SCUBE2: variants seen among roughly 807,000 people sequenced by gnomAD.
The protein encoded by SCUBE2 is signal peptide, CUB domain and EGF like domain containing 2.
A neutral mutation model predicts 125.9 loss-of-function variants in SCUBE2; 114 were observed. That is an observed-to-expected ratio of 0.91 (90% CI 0.78 to 1.06). SCUBE2 has a LOEUF of 1.06. Ranked by LOEUF, SCUBE2 falls within the 50% of genes least tolerant of loss-of-function variation. The pLI is 0.00. For missense variants in SCUBE2, 1,255 were observed against 1,301.8 expected (o/e 0.96, Z 0.55); for synonymous variants, 459 against 492.9 (o/e 0.93, Z 0.91).
chr11:9,047,368 C>T lies in SCUBE2; in HGVS notation c.1990G>A (p.Glu664Lys), dbSNP rs143249184. 3,660 of 1,614,184 alleles carry T rather than the reference C, an allele frequency of 2.3e-3. 13 individuals are homozygous for T. The highest frequency in any genetic ancestry group is 3.6e-3 in the Middle Eastern group (22 of 6,062). ...CCAGGCCACTCACCACATTGGTTTT[C>T]TGCATGACCCTGGCCCACTCCACAG... Reference protein sequence around the residue: ...ESCGVGQGHAENQCVSCRAGT... With the variant: ...ESCGVGQGHAKNQCVSCRAGT... The change falls in exon 16 of 23, where the codon GAA becomes AAA. Residue 664 changes from glutamate to lysine, a missense_variant. Physicochemically the swap from Glu to Lys is moderately conservative, Grantham distance 56 (BLOSUM62 1). This residue lies in a region of SCUBE2 where 515 missense variants were observed against 515.7 expected (regional missense o/e 1.00). Transcript: ENST00000649792.
intron 9 of SCUBE2, among the ~76,000 whole-genome samples, chr11:9,057,071 T>C (rs1859164405): frequency 6.6e-6 from 1 of 152,270 alleles, no homozygotes; most frequent in African/African-American, 2.4e-5. Context: ...AAAACCTAGT[T>C]TCTTCCCTAG....
Position 9,053,643 on chromosome 11 carries a change from A to C in SCUBE2, c.1324T>G (p.Cys442Gly). 2 of 1,614,010 alleles carry C rather than the reference A, an allele frequency of 1.2e-6. No homozygotes were observed. Among genetic ancestry groups the C allele is most frequent in the Non-Finnish European group, 1.7e-6 (2 of 1,179,938 alleles). Reference protein sequence around the residue: ...GYKLHWNKKDCVEVKGLLPTS... With the variant: ...GYKLHWNKKDGVEVKGLLPTS... ...GTGCCTCGGTTCCCCTTACCCACACAGTCTTTTTTATTCCAGTGGAGCTTG... is the reference window on the plus strand; with the variant it reads ...GTGCCTCGGTTCCCCTTACCCACACCGTCTTTTTTATTCCAGTGGAGCTTG... The change falls in exon 11 of 23, where the codon TGT becomes GGT. Residue 442 changes from cysteine (C) to glycine (G), a missense_variant. Cys to Gly is a radical substitution (Grantham distance 159). This residue lies in a region of SCUBE2 where 378 missense variants were observed against 463.1 expected (regional missense o/e 0.82). Coordinates refer to ENST00000649792, the MANE Select transcript of SCUBE2 (RefSeq NM_001367977.2).
intron 20 of SCUBE2, 192 bp downstream of exon 20, chr11:9,027,172 G>A (rs1210894168): frequency 1.7e-6 from 1 of 605,270 alleles, no homozygotes; most frequent in African/African-American, 1.9e-5. Context: ...CTACCTCTGG[G>A]GCCCAGCAAG....
In SCUBE2 at chr11:9,053,116, C is replaced by A. The variant is rs758108555; in HGVS notation, c.1430G>T (p.Gly477Val). Residue 477 changes from glycine to valine, a missense_variant, in exon 12 of 23, where the codon GGC becomes GTC. This residue lies in a region of SCUBE2 where 378 missense variants were observed against 463.1 expected (regional missense o/e 0.82). Coordinates refer to ENST00000649792, the MANE Select transcript of SCUBE2 (RefSeq NM_001367977.2). Reference protein sequence around the residue: ...GDGCFLRCHSGIHLSSGLQGA... With the variant: ...GDGCFLRCHSVIHLSSGLQGA... ...CCACTCACCTGAAGAGAGGTGAATG[C>A]CAGAGTGACATCTGAGGAAGCACCC... 6.2e-7 allele frequency: 1 copy of A among 1,614,068 alleles called. No homozygotes were observed. The highest frequency in any genetic ancestry group is 8.5e-7 in the Non-Finnish European group (1 of 1,179,946).
chr11:9,089,613 G>A (rs1159160172), intron 2 of SCUBE2, 94 bp downstream of exon 2: 3 of 1,379,896 alleles, frequency 2.2e-6, no homozygotes, highest in Non-Finnish European at 2.0e-6. Flanking sequence ...GGGAGAGGAG[G>A]GGCAGTACTT....
rs1433266320 is a variant in SCUBE2 at position 9,019,932 on chromosome 11, C to T, written c.*1113G>A. ...AAGTTCAAGAAATGATCGTGAGGCC[C>T]TGCTGGCCTGACCCAAAGTGAGATG... On this transcript the variant is annotated 3_prime_UTR_variant, in exon 23 of 23. Transcript: ENST00000649792. 6.6e-6 allele frequency among the ~76,000 whole-genome samples: 1 copy of T among 152,200 alleles called. No homozygotes were observed. Among genetic ancestry groups the T allele is most frequent in the Non-Finnish European group, 1.5e-5 (1 of 68,042 alleles).
intron 2 of SCUBE2, among the ~76,000 whole-genome samples, chr11:9,088,893 C>A (rs1239163208): frequency 6.6e-6 from 1 of 152,194 alleles, no homozygotes; most frequent in Admixed American, 6.5e-5. Flanking sequence ...CTTTCACTTG[C>A]AGGCAACTTG....
Position 9,083,617 on chromosome 11 carries a change from C to T in SCUBE2, c.257-4108G>A, listed in dbSNP as rs543968761. Among the ~76,000 whole-genome samples, 24 of 151,048 alleles carry T rather than the reference C, an allele frequency of 1.6e-4. No individual in the cohort carries two copies. The Middle Eastern group carries it at 0.014, about 86-fold the overall frequency. ...TCACCCAGGCTGGAGTGCAGTGGCA[C>T]GATCTTGGCTCACTGCAACCTCCGC... is the stretch of plus-strand genomic sequence containing the variant. On this transcript the variant is annotated intron_variant, in intron 2 of 22. Transcript: ENST00000649792.
intron 20 of SCUBE2, chr11:9,026,059 CTGAAA>C (rs1275791635): frequency 1.9e-6 from 1 of 525,512 alleles, no homozygotes; most frequent in Non-Finnish European, 3.3e-6. Context: ...GAGGCTACAC[CTGAAA>C]GACCTGGGGC....
rs1278290981 is a variant in SCUBE2 at position 9,089,807 on chromosome 11, C to T, written c.156G>A (p.Gly52=). The change falls in exon 2 of 23, where the codon GGG becomes GGA. Residue 52 remains glycine, a synonymous_variant. Transcript: ENST00000649792. ...PQEDVDECAQ[G]LDDCHADALC... ...GGGCGTCGGCATGGCAGTCATCTAG[C>T]CCTTGGGCACACTCATCTACATCTG... 6.2e-7 allele frequency: 1 copy of T among 1,613,772 alleles called. No individual in the cohort carries two copies. The highest frequency in any genetic ancestry group is 1.1e-5 in the South Asian group (1 of 91,060).
At chr11:9,027,146 C>T in intron 20 of SCUBE2, 1 of 569,890 alleles carries the variant, frequency 1.8e-6, no homozygotes, top group Non-Finnish European at 3.1e-6. Context: ...GAGGGGAAGA[C>T]TGACCTGCAG....
intron 5 of SCUBE2, among the ~76,000 whole-genome samples, chr11:9,068,803 T>C (rs1276359090): frequency 6.6e-6 from 1 of 152,238 alleles, no homozygotes; most frequent in Non-Finnish European, 1.5e-5. Flanking sequence ...AAATGGGATA[T>C]GGCACATCTT....
chr11:9,067,714 T>C (rs1283279449), intron 5 of SCUBE2, among the ~76,000 whole-genome samples: 6 of 152,156 alleles, frequency 3.9e-5, no homozygotes, highest in Non-Finnish European at 8.8e-5. Flanking sequence ...ATGTTAAAAA[T>C]GTTATAATGT....
At chr11:9,056,520 C>T (rs1043350938) in intron 9 of SCUBE2, among the ~76,000 whole-genome samples, 1 of 152,194 alleles carries the variant, frequency 6.6e-6, no homozygotes, top group Non-Finnish European at 1.5e-5. Context: ...GGTAGTTCAG[C>T]TCCACATTGG....
At chr11:9,060,356 G>T (rs1859548076) in intron 8 of SCUBE2, 52 bp downstream of exon 8, 1 of 1,378,120 alleles carries the variant, frequency 7.3e-7, no homozygotes, top group Non-Finnish European at 1.0e-6. Context: ...TAGCGGCATG[G>T]GCCCTCCCTC....
At position 9,091,454 on chromosome 11, in the gene SCUBE2, C is replaced by CAGT; in HGVS notation, c.72_74dup (p.Leu28dup). On this transcript the variant is annotated inframe_insertion, in exon 1 of 23. Coordinates refer to ENST00000649792, the MANE Select transcript of SCUBE2 (RefSeq NM_001367977.2). The surrounding 1 kb of genome is among the most constrained non-coding windows in gnomAD (Gnocchi z 8.5). ...GCGGGACGGCCCCCGCCAGCAGCAG[C>CAGT]AGTGGCGGCAGCAGCAGCAGCAGCA... 1.5e-6 allele frequency: 2 copies of CAGT among 1,307,412 alleles called. No homozygotes were observed. Among genetic ancestry groups the CAGT allele is most frequent in the Non-Finnish European group, 1.9e-6 (2 of 1,035,102 alleles). 81.0% of individuals were successfully genotyped at this position (1,307,412 alleles called of 1,614,324 possible).
chr11:9,051,616 A>G (rs552616887), intron 13 of SCUBE2, among the ~76,000 whole-genome samples: 6 of 152,298 alleles, frequency 3.9e-5, no homozygotes, highest in Admixed American at 3.3e-4. Context: ...AATGCCCTAC[A>G]GCTCTTTTAA....
At chr11:9,046,357 C>G (rs1469033082) in intron 16 of SCUBE2, among the ~76,000 whole-genome samples, 6 of 152,152 alleles carry the variant, frequency 3.9e-5, no homozygotes, top group African/African-American at 1.4e-4. Flanking sequence ...TGTTAAGTAA[C>G]TCCTGCTCCT....
At chr11:9,088,693 G>T (rs2136018871) in intron 2 of SCUBE2, among the ~76,000 whole-genome samples, 1 of 152,324 alleles carries the variant, frequency 6.6e-6, no homozygotes, top group Admixed American at 6.5e-5. Context: ...CAACATACTT[G>T]TCAAGGTTGG....
Sources: gnomAD v4.1 joint callset for allele counts (sites outside exome capture counted in the v4.1 genomes callset) on GRCh38, gnomAD v4.1.1 for gene constraint, gnomAD v4.1.1 regional missense constraint, Gnocchi (gnomAD v3.1) non-coding constraint, MANE v1.5 for transcripts, NCBI Gene and HGNC (gene_info 2026-07-23, HGNC 2026-07-21) for gene names.